USH2A: variants seen among roughly 807,000 people sequenced by gnomAD.
USH2A encodes Usher syndrome 2A (autosomal recessive, mild).
USH2A carries 443 observed loss-of-function variants against 538.9 expected under a neutral mutation model. That is an observed-to-expected ratio of 0.82 (90% confidence interval 0.76 to 0.89). The LOEUF is 0.89. Among genes scored for constraint, USH2A ranks in the 40% least tolerant of loss-of-function variants. The pLI is 0.00. For synonymous variants in USH2A, 2,413 were observed against 2,273.5 expected (o/e 1.06, Z -1.75); for missense variants, 6,633 against 6,324.8 (o/e 1.05, Z -1.65).
At position 215,680,157 on chromosome 1, in the gene USH2A, C is replaced by A; in HGVS notation, c.12286G>T (p.Val4096Leu). 1 of 1,614,008 alleles carries A rather than the reference C, an allele frequency of 6.2e-7. No individual in the cohort carries two copies. Among genetic ancestry groups the A allele is most frequent in the Non-Finnish European group, 8.5e-7 (1 of 1,179,870 alleles). ...QWSEPMRTNGVIKTYNIFSDG... is the reference protein window; with the variant it reads ...QWSEPMRTNGLIKTYNIFSDG... Reference sequence around the variant, plus strand: ...TGCAGGGTAGACATTACCTTAATCACACCATTGGTTCTCATAGGTTCTGAC... The same window carrying A: ...TGCAGGGTAGACATTACCTTAATCAAACCATTGGTTCTCATAGGTTCTGAC... Residue 4096 changes from valine (V) to leucine (L), a missense_variant, in exon 62 of 72, where the codon GTG becomes TTG. By Grantham distance (32) the Val-to-Leu change is conservative. Transcript: ENST00000307340.
At chr1:216,008,765 T>C (rs894477417) in intron 32 of USH2A, among the ~76,000 whole-genome samples, 4 of 152,132 alleles carry the variant, frequency 2.6e-5, no homozygotes, top group Non-Finnish European at 5.9e-5. Flanking sequence ...ACTTTCTCCT[T>C]TCCACTCTTC....
intron 61 of USH2A, among the ~76,000 whole-genome samples, chr1:215,683,055 C>G (rs1293878231): frequency 1.3e-5 from 2 of 151,778 alleles, no homozygotes; most frequent in Admixed American, 1.3e-4. Flanking sequence ...TTCTTTCTTT[C>G]TTTCCTTTTT....
intron 11 of USH2A, among the ~76,000 whole-genome samples, chr1:216,259,070 T>G (rs2036313950): frequency 6.6e-6 from 1 of 152,098 alleles, no homozygotes; most frequent in South Asian, 2.1e-4. Context: ...AAAAACCTCA[T>G]GCCATCCTTC....
At chr1:215,655,722 A>ATTTTTTTTTTTTTTTT (rs1657224342) in intron 64 of USH2A, among the ~76,000 whole-genome samples, 1 of 103,690 alleles carries the variant, frequency 9.6e-6, no homozygotes, top group African/African-American at 3.6e-5. Context: ...TGTGCTAGTT[A>ATTTTTTTTTTTTTTTT]TTCTTTTTTT....
chr1:216,122,581 C>T (rs2033159403), intron 21 of USH2A, among the ~76,000 whole-genome samples: 2 of 152,122 alleles, frequency 1.3e-5, no homozygotes. Flanking sequence ...GAGAGTCAAT[C>T]ACCAGAACCA....
chr1:215,699,230 T>C (rs1658918830), intron 61 of USH2A, among the ~76,000 whole-genome samples: 1 of 152,188 alleles, frequency 6.6e-6, no homozygotes, highest in Non-Finnish European at 1.5e-5. Flanking sequence ...AGCCTTGTAG[T>C]ATAGTTTGAA....
Position 216,422,275 on chromosome 1 carries a change from A to T in USH2A, c.62T>A (p.Ile21Asn). 1 of 1,613,668 alleles carries T rather than the reference A, an allele frequency of 6.2e-7. No homozygotes were observed. The highest frequency in any genetic ancestry group is 1.7e-5 in the Admixed American group (1 of 59,918). Residue 21 changes from isoleucine (I) to asparagine (N), a missense_variant, in exon 2 of 72, where the codon ATC becomes AAC. Physicochemically the swap from Ile to Asn is moderately radical, Grantham distance 149. Coordinates refer to ENST00000307340, the MANE Select transcript of USH2A (RefSeq NM_206933.4). ...GFLFQVIEMLIFAYFASISLT... is the reference protein window; with the variant it reads ...GFLFQVIEMLNFAYFASISLT... The stretch of plus-strand genomic sequence containing the variant: ...GGATATTGAAGCAAAATAGGCAAAG[A>T]TCAACATTTCAATGACCTGAAACAA...
intron 32 of USH2A, among the ~76,000 whole-genome samples, chr1:216,034,093 C>T (rs1669189487): frequency 6.6e-6 from 1 of 151,100 alleles, no homozygotes; most frequent in Admixed American, 6.6e-5. Context: ...GGAAAAATAT[C>T]TGAAGACAAG....
chr1:215,885,684 CTCTT>C (rs1234560856), intron 41 of USH2A, among the ~76,000 whole-genome samples: 1 of 152,150 alleles, frequency 6.6e-6, no homozygotes, highest in African/African-American at 2.4e-5. Context: ...GTCATATCAC[CTCTT>C]TTAGTACTTA....
At chr1:215,661,296 T>G (rs1657426981) in intron 64 of USH2A, among the ~76,000 whole-genome samples, 1 of 152,180 alleles carries the variant, frequency 6.6e-6, no homozygotes, top group Non-Finnish European at 1.5e-5. Flanking sequence ...TCTGGCTCCT[T>G]TCCATTAGGT....
intron 22 of USH2A, among the ~76,000 whole-genome samples, chr1:216,096,355 C>T (rs1460602312): frequency 1.3e-5 from 2 of 152,172 alleles, no homozygotes; most frequent in African/African-American, 4.8e-5. Context: ...TTATGCTCAG[C>T]ACCTTCCCAG....
At chr1:216,244,213 A>G (rs2102541423) in intron 13 of USH2A, among the ~76,000 whole-genome samples, 1 of 152,254 alleles carries the variant, frequency 6.6e-6, no homozygotes, top group South Asian at 2.1e-4. Flanking sequence ...CCAAAGCATC[A>G]GGTAGATTGA....
At chr1:215,861,152 C>G (rs1019241690) in intron 44 of USH2A, among the ~76,000 whole-genome samples, 1 of 152,138 alleles carries the variant, frequency 6.6e-6, no homozygotes, top group African/African-American at 2.4e-5. Context: ...TCTAGTTTAC[C>G]CATCTGTCAA....
intron 10 of USH2A, 49 bp downstream of exon 10, chr1:216,292,126 A>G (rs1448391463): frequency 6.4e-7 from 1 of 1,572,418 alleles, no homozygotes; most frequent in East Asian, 2.2e-5. Flanking sequence ...CATTGTAGAT[A>G]GAAGCACACA....
chr1:215,959,188 GA>G (rs1667139220), intron 37 of USH2A, among the ~76,000 whole-genome samples: 2 of 151,654 alleles, frequency 1.3e-5, no homozygotes, highest in African/African-American at 4.8e-5. Flanking sequence ...CATATAAAAG[GA>G]AAAATGGGAA....
chr1:216,246,804 A>G lies in USH2A; in HGVS notation c.2590T>C (p.Ser864Pro). 1.2e-6 allele frequency: 2 copies of G among 1,614,146 alleles called. No homozygotes were observed. The highest frequency in any genetic ancestry group is 1.7e-6 in the Non-Finnish European group (2 of 1,179,988). Residue 864 changes from serine (S) to proline (P), a missense_variant, in exon 13 of 72, where the codon TCA becomes CCA. Ser to Pro is a moderately conservative substitution (Grantham distance 74, BLOSUM62 -1). Coordinates refer to ENST00000307340, the MANE Select transcript of USH2A (RefSeq NM_206933.4). Reference sequence around the variant, plus strand: ...AATTTGCAAGGACATTGTCCTGTTGATTTGTTACACAGCAGAGAGCCATTT... The same window carrying G: ...AATTTGCAAGGACATTGTCCTGTTGGTTTGTTACACAGCAGAGAGCCATTT... ...TINGSLLCNK[S>P]TGQCPCKLGV...
At chr1:216,011,892 G>A (rs1668582393) in intron 32 of USH2A, among the ~76,000 whole-genome samples, 1 of 150,118 alleles carries the variant, frequency 6.7e-6, no homozygotes, top group South Asian at 2.1e-4. Context: ...ACCCAAGACT[G>A]TATCTCTCTG....
chr1:216,353,161 C>A (rs569859190), intron 4 of USH2A, among the ~76,000 whole-genome samples: 35 of 152,080 alleles, frequency 2.3e-4, no homozygotes, highest in Non-Finnish European at 4.0e-4. Flanking sequence ...AAGGAGGGAA[C>A]AGACCACATC....
chr1:215,670,532 T>C (rs1297637324), intron 64 of USH2A, among the ~76,000 whole-genome samples: 1 of 152,216 alleles, frequency 6.6e-6, no homozygotes, highest in African/African-American at 2.4e-5. Context: ...AGGTGAGTTG[T>C]ATTCCTCTAG....
Sources: gnomAD v4.1 joint callset for allele counts (sites outside exome capture counted in the v4.1 genomes callset) on GRCh38, gnomAD v4.1.1 for gene constraint, MANE v1.5 for transcripts, NCBI Gene and HGNC (gene_info 2026-07-23, HGNC 2026-07-21) for gene names.